The following IL1RAPL1 variants were observed in gnomAD, a reference collection of about 807,000 sequenced individuals.
IL1RAPL1 encodes interleukin 1 receptor accessory protein like 1, also known as interleukin-1 receptor accessory protein-like 1.
Under a neutral mutation model 48.4 loss-of-function variants are expected in IL1RAPL1, and 3 were observed. The observed-to-expected ratio is 0.06, with a 90% CI of 0.03 to 0.16. IL1RAPL1 has a LOEUF of 0.16. Among genes scored for constraint, IL1RAPL1 ranks in the 10% least tolerant of loss-of-function variants. The pLI is 1.00. For synonymous variants in IL1RAPL1, 185 were observed against 187.7 expected (o/e 0.99, Z 0.12); for missense variants, 349 against 530.6 (o/e 0.66, Z 3.36).
At chrX:29,355,850 G>T (rs2147655935) in intron 3 of IL1RAPL1, among the ~76,000 whole-genome samples, 1 of 105,796 alleles carries the variant, frequency 9.5e-6, no homozygotes, top group Admixed American at 1.1e-4. Context: ...TAAGGCTTTT[G>T]AAGACTATTT....
intron 5 of IL1RAPL1, among the ~76,000 whole-genome samples, chrX:29,642,103 T>G (rs947427727): frequency 1.8e-5 from 2 of 112,357 alleles, no homozygotes; most frequent in Non-Finnish European, 3.8e-5. Flanking sequence ...AGTCTAACAA[T>G]TTCTTAGACT....
chrX:28,972,588 A>G (rs943899141), intron 2 of IL1RAPL1, among the ~76,000 whole-genome samples: 23 of 109,962 alleles, frequency 2.1e-4, no homozygotes, highest in Admixed American at 1.6e-3. Flanking sequence ...AATACAAAAA[A>G]ATTAGCCGGG....
intron 1 of IL1RAPL1, among the ~76,000 whole-genome samples, chrX:28,773,618 T>C (rs1341807070): frequency 9.0e-6 from 1 of 111,407 alleles, no homozygotes. Context: ...CTATTTAGAG[T>C]AGATGAACTC....
At chrX:28,785,078 A>G (rs1044121590) in intron 1 of IL1RAPL1, among the ~76,000 whole-genome samples, 1 of 111,768 alleles carries the variant, frequency 8.9e-6, no homozygotes, top group African/African-American at 3.3e-5. Context: ...TTATACTCCT[A>G]TTTGTGTAAT....
intron 2 of IL1RAPL1, among the ~76,000 whole-genome samples, chrX:29,105,349 CACTAAA>C (rs1459046149): frequency 9.0e-6 from 1 of 111,600 alleles, no homozygotes; most frequent in Non-Finnish European, 1.9e-5. Flanking sequence ...AGTATTTTGC[CACTAAA>C]GTGTTAGAAG....
chrX:29,655,375 T>A (rs1157646190), intron 5 of IL1RAPL1, among the ~76,000 whole-genome samples: 1 of 111,493 alleles, frequency 9.0e-6, no homozygotes, highest in African/African-American at 3.3e-5. Context: ...GAAAAAGCAA[T>A]CTACAGGCTG....
chrX:29,006,726 G>A (rs1265274924), intron 2 of IL1RAPL1, among the ~76,000 whole-genome samples: 1 of 103,307 alleles, frequency 9.7e-6, no homozygotes, highest in Non-Finnish European at 2.0e-5. Flanking sequence ...CCCAACTCAA[G>A]TATGCTGTTT....
intron 2 of IL1RAPL1, among the ~76,000 whole-genome samples, chrX:28,864,402 A>T (rs1922027929): frequency 8.9e-6 from 1 of 112,511 alleles, no homozygotes; most frequent in South Asian, 3.6e-4. Flanking sequence ...ATAAAATAAC[A>T]TTTATAAAGT....
intron 2 of IL1RAPL1, among the ~76,000 whole-genome samples, chrX:29,158,729 A>C (rs1405931900): frequency 9.0e-6 from 1 of 110,888 alleles, no homozygotes; most frequent in Non-Finnish European, 1.9e-5. Flanking sequence ...ATAGAAACAA[A>C]AAAAATCCTC....
At chrX:29,510,882 T>C (rs759203005) in intron 5 of IL1RAPL1, among the ~76,000 whole-genome samples, 1 of 112,049 alleles carries the variant, frequency 8.9e-6, no homozygotes, top group Non-Finnish European at 1.9e-5. Flanking sequence ...ACTGTCGATC[T>C]AGAAGCCCAG....
chrX:29,525,807 A>T (rs1047337626), intron 5 of IL1RAPL1, among the ~76,000 whole-genome samples: 1 of 112,067 alleles, frequency 8.9e-6, no homozygotes, highest in Non-Finnish European at 1.9e-5. Context: ...TTGTTTAGAC[A>T]GTTCACTGGT....
At chrX:29,727,708 C>T (rs1041274323) in intron 6 of IL1RAPL1, among the ~76,000 whole-genome samples, 1 of 111,258 alleles carries the variant, frequency 9.0e-6, no homozygotes, top group Admixed American at 9.6e-5. Flanking sequence ...GAACTGACTG[C>T]GAATTTCAGC....
chrX:28,888,788 A>G, intron 2 of IL1RAPL1, among the ~76,000 whole-genome samples: 1 of 111,815 alleles, frequency 8.9e-6, no homozygotes, highest in East Asian at 2.8e-4. Context: ...GTTGTATAAC[A>G]ATCTCACTAG....
chrX:28,717,597 G>GAC (rs1440985284), intron 1 of IL1RAPL1, among the ~76,000 whole-genome samples: 1 of 110,995 alleles, frequency 9.0e-6, no homozygotes, highest in Non-Finnish European at 1.9e-5. Flanking sequence ...AAACCCCCAT[G>GAC]ACACACATTT....
At chrX:28,820,897 T>C (rs1168105280) in intron 2 of IL1RAPL1, among the ~76,000 whole-genome samples, 2 of 111,092 alleles carry the variant, frequency 1.8e-5, no homozygotes, top group East Asian at 5.7e-4. Flanking sequence ...TCGAGTTGGC[T>C]GAAACAGTTC....
intron 6 of IL1RAPL1, among the ~76,000 whole-genome samples, chrX:29,910,396 T>A (rs1359077849): frequency 4.5e-5 from 5 of 110,096 alleles, no homozygotes; most frequent in South Asian, 3.9e-4. Context: ...AAAAAAAAAA[T>A]AATGCTTGTA....
At chrX:29,733,408 C>T (rs911806115) in intron 6 of IL1RAPL1, among the ~76,000 whole-genome samples, 1 of 111,697 alleles carries the variant, frequency 9.0e-6, no homozygotes, top group African/African-American at 3.3e-5. Flanking sequence ...AAAAGTAGCT[C>T]CAGGGGTTTA....
In IL1RAPL1 at chrX:29,298,832, G is replaced by A. The variant is rs1932489100; in HGVS notation, c.362+15615G>A. On this transcript the variant is annotated intron_variant, in intron 3 of 10. Transcript: ENST00000378993. The stretch of plus-strand genomic sequence containing the variant: ...TTTTATAGGACTATCATTTTTTCAA[G>A]ATGCATTTGATAAAACTCAGGAACA... 2.7e-5 allele frequency among the ~76,000 whole-genome samples: 3 copies of A among 111,412 alleles called. No individual in the cohort carries two copies. The Admixed American group carries it at 2.9e-4, about 11-fold the overall frequency.
At chrX:29,360,375 C>T (rs1028519146) in intron 3 of IL1RAPL1, among the ~76,000 whole-genome samples, 7 of 111,549 alleles carry the variant, frequency 6.3e-5, no homozygotes, top group East Asian at 2.8e-4. Flanking sequence ...TTCAGGGTTT[C>T]GTAAATTGGT....
Sources: allele counts gnomAD v4.1 joint callset (sites outside exome capture counted in the v4.1 genomes callset), GRCh38; gene constraint gnomAD v4.1.1; transcripts MANE v1.5; gene names NCBI Gene and HGNC (gene_info 2026-07-23, HGNC 2026-07-21).